The following ARHGAP29 variants were observed in gnomAD, a reference collection of about 807,000 sequenced individuals.
ARHGAP29 encodes the protein rho GTPase-activating protein 29.
A neutral mutation model predicts 122.6 loss-of-function variants in ARHGAP29; 43 were observed. That is an observed-to-expected ratio of 0.35 (90% CI 0.27 to 0.45). The LOEUF is 0.45. ARHGAP29 is among the 20% of genes least tolerant of loss of function. The probability of loss-of-function intolerance (pLI) is 1.00; values close to 1 mark genes in which losing one functional copy is unlikely to be tolerated. For synonymous variants in ARHGAP29, 506 were observed against 497.1 expected (o/e 1.02, Z -0.24); for missense variants, 1,303 against 1,477.2 (o/e 0.88, Z 1.93).
At chr1:94,253,672 A>ACG (rs1491073354) in intron 1 of ARHGAP29, among the ~76,000 whole-genome samples, 1 of 123,642 alleles carries the variant, frequency 8.1e-6, no homozygotes, top group East Asian at 2.4e-4. Context: ...ACGCACGCAC[A>ACG]TGCACACATT....
At chr1:94,224,904 G>A (rs948921472) in intron 2 of ARHGAP29, among the ~76,000 whole-genome samples, 7 of 152,034 alleles carry the variant, frequency 4.6e-5, no homozygotes, top group African/African-American at 1.7e-4. Context: ...AATTATTTTC[G>A]TAAGAAGTTT....
In ARHGAP29 at chr1:94,190,099, C is replaced by G. The variant is rs369987033; in HGVS notation, c.1282-16G>C. 15 of 1,610,590 alleles carry G rather than the reference C, an allele frequency of 9.3e-6. No individual in the cohort carries two copies. Among genetic ancestry groups the G allele is most frequent in the African/African-American group, 1.3e-5 (1 of 74,758 alleles). Reference sequence around the variant, plus strand: ...TAACTGTTACCTATGGACCCAGAGACAAAAGGCAGAGTAACTCATGATATA... The same window carrying G: ...TAACTGTTACCTATGGACCCAGAGAGAAAAGGCAGAGTAACTCATGATATA... On this transcript the variant is annotated splice_polypyrimidine_tract_variant and intron_variant, in intron 12 of 22. Transcript: ENST00000260526.
At chr1:94,260,205 T>C (rs1283004748) in intron 1 of ARHGAP29, among the ~76,000 whole-genome samples, 1 of 152,236 alleles carries the variant, frequency 6.6e-6, no homozygotes, top group Non-Finnish European at 1.5e-5. Context: ...TTTCCCATTT[T>C]CTGCCATGTT....
At chr1:94,292,449 C>T in the ARHGAP29 span, among the ~76,000 whole-genome samples, 1 of 152,212 alleles carries the variant, frequency 6.6e-6, no homozygotes, top group African/African-American at 2.4e-5. Context: ...CTGAAGCCTA[C>T]TTCCGTCAAC....
At chr1:94,249,807 G>C (rs1654013200) in intron 1 of ARHGAP29, among the ~76,000 whole-genome samples, 1 of 151,856 alleles carries the variant, frequency 6.6e-6, no homozygotes, top group Admixed American at 6.6e-5. Context: ...ATTGTACATA[G>C]GATACTATTC....
At chr1:94,269,153 A>G (rs964567966) in intron 1 of ARHGAP29, among the ~76,000 whole-genome samples, 7 of 152,134 alleles carry the variant, frequency 4.6e-5, no homozygotes, top group African/African-American at 1.7e-4. Flanking sequence ...TTTTACCTAA[A>G]TTAAACTTGT....
the ARHGAP29 span, chr1:94,302,593 G>A: frequency 1.1e-5 from 4 of 374,342 alleles, no homozygotes; most frequent in Non-Finnish European, 2.1e-5. Flanking sequence ...GCCCCTCTGG[G>A]AAACTGTGGT....
At position 94,205,078 on chromosome 1, in the gene ARHGAP29, T is replaced by C; in HGVS notation, c.680A>G (p.Glu227Gly). The C allele has an allele frequency of 1.9e-6, 3 of 1,571,156 alleles. No individual in the cohort carries two copies. Among genetic ancestry groups the C allele is most frequent in the Non-Finnish European group, 2.6e-6 (3 of 1,164,794 alleles). ...CAACTCACCCAAGTTAAGCTTTTTT[T>C]CAACCCATGAAACTATGTTCTTAGT... ...KYTKNIVSWVEKKLNLELEST... is the reference protein window; with the variant it reads ...KYTKNIVSWVGKKLNLELEST... Residue 227 changes from glutamate to glycine, a missense_variant, in exon 7 of 23, where the codon GAA becomes GGA. Glu to Gly is a moderately conservative substitution (Grantham distance 98). Coordinates refer to ENST00000260526, the MANE Select transcript of ARHGAP29 (RefSeq NM_004815.4).
chr1:94,301,165 G>A, the ARHGAP29 span, among the ~76,000 whole-genome samples: 9 of 138,660 alleles, frequency 6.5e-5, no homozygotes, highest in South Asian at 2.1e-4. Flanking sequence ...AAAGACTCTC[G>A]ATGTTTTCCT....
intron 1 of ARHGAP29, among the ~76,000 whole-genome samples, chr1:94,236,094 A>C (rs1306177198): frequency 6.6e-6 from 1 of 152,230 alleles, no homozygotes; most frequent in African/African-American, 2.4e-5. Flanking sequence ...TGCTAAAAAG[A>C]TTAGATGAGC....
chr1:94,238,476 C>T (rs1653441964), upstream of ARHGAP29, among the ~76,000 whole-genome samples: 1 of 152,106 alleles, frequency 6.6e-6, no homozygotes, highest in South Asian at 2.1e-4. Flanking sequence ...GCACATAGTC[C>T]CTATATCACA....
At chr1:94,216,691 G>C (rs575293747) in intron 3 of ARHGAP29, among the ~76,000 whole-genome samples, 1 of 151,570 alleles carries the variant, frequency 6.6e-6, no homozygotes, top group Admixed American at 6.6e-5. Flanking sequence ...TTAAATATAG[G>C]GTAAAATGCA....
intron 5 of ARHGAP29, among the ~76,000 whole-genome samples, 184 bp downstream of exon 5, chr1:94,208,648 T>C (rs1399738804): frequency 6.6e-6 from 1 of 151,684 alleles, no homozygotes; most frequent in African/African-American, 2.4e-5. Context: ...TTAGTAGAGA[T>C]GGGGTTTCAC....
chr1:94,257,440 G>A (rs188388371), intron 1 of ARHGAP29, among the ~76,000 whole-genome samples: 2 of 152,216 alleles, frequency 1.3e-5, no homozygotes, highest in East Asian at 1.9e-4. Flanking sequence ...GGGCACAGTA[G>A]CTCATGCCTG....
At chr1:94,259,132 GT>G (rs1192338720) in intron 1 of ARHGAP29, among the ~76,000 whole-genome samples, 2 of 152,182 alleles carry the variant, frequency 1.3e-5, no homozygotes, top group Non-Finnish European at 2.9e-5. Context: ...AGGCAGTGGG[GT>G]TTAGGGCCAA....
intron 22 of ARHGAP29, chr1:94,176,584 AG>A (rs1168837593): frequency 2.6e-5 from 4 of 152,190 alleles, no homozygotes. Context: ...CAGAACAGGC[AG>A]GTACCTGGTG....
intron 1 of ARHGAP29, among the ~76,000 whole-genome samples, chr1:94,264,624 C>T (rs1031447266): frequency 6.6e-6 from 1 of 152,118 alleles, no homozygotes; most frequent in Non-Finnish European, 1.5e-5. Flanking sequence ...GCTTTCTCTG[C>T]ATCATCTCGG....
At position 94,208,849 on chromosome 1, in the gene ARHGAP29, C is replaced by T. The variant is rs748089193; in HGVS notation, c.493G>A (p.Val165Ile). The change falls in exon 5 of 23, where the codon GTT becomes ATT. Residue 165 changes from valine to isoleucine, a missense_variant. Around this residue, in one of 3 missense-constraint regions of ARHGAP29, gnomAD observed 592 missense variants for 648.2 expected, o/e 0.91. Transcript: ENST00000260526. ...TAGCTTACCTTAGTTTCTCGAGAAA[C>T]AGGCAGTCGCAATAATGAATCATTG... ...VGNDSLLRLP[V>I]SRETKSFENV... 1.9e-6 allele frequency: 3 copies of T among 1,613,962 alleles called. No homozygotes were observed. The highest frequency in any genetic ancestry group is 2.5e-6 in the Non-Finnish European group (3 of 1,179,920).
chr1:94,313,723 A>G, the ARHGAP29 span, among the ~76,000 whole-genome samples: 1 of 152,208 alleles, frequency 6.6e-6, no homozygotes, highest in African/African-American at 2.4e-5. Flanking sequence ...CTTGGAACCA[A>G]CCCAAATGTC....
Sources: allele counts gnomAD v4.1 joint callset (sites outside exome capture counted in the v4.1 genomes callset), GRCh38; gene constraint gnomAD v4.1.1; regional missense constraint gnomAD v4.1.1; transcripts MANE v1.5; gene names NCBI Gene and HGNC (gene_info 2026-07-23, HGNC 2026-07-21).